The following FREM1 variants were observed in gnomAD, a reference collection of about 807,000 sequenced individuals.
FREM1 encodes FRAS1-related extracellular matrix protein 1.
A neutral mutation model predicts 210.1 loss-of-function variants in FREM1; 220 were observed. The ratio of observed to expected loss-of-function variants is 1.05; its 90% CI spans 0.94 to 1.17. The LOEUF is 1.17. Among genes scored for constraint, FREM1 ranks in the 50% most tolerant of loss-of-function variants. The probability of loss-of-function intolerance (pLI) is 0.00; values close to 1 mark genes in which losing one functional copy is unlikely to be tolerated. For missense variants in FREM1, 3,454 were observed against 2,675.5 expected (o/e 1.29, Z -6.42); for synonymous variants, 1,189 against 980.2 (o/e 1.21, Z -3.98).
At chr9:14,892,323 G>A (rs2132404456) in intron 1 of FREM1, among the ~76,000 whole-genome samples, 1 of 152,230 alleles carries the variant, frequency 6.6e-6, no homozygotes, top group South Asian at 2.1e-4. Flanking sequence ...GCTGACTTTG[G>A]GTAGGTGGGG....
intron 5 of FREM1, among the ~76,000 whole-genome samples, chr9:14,852,243 A>T (rs1475270103): frequency 6.6e-6 from 1 of 152,202 alleles, no homozygotes; most frequent in Admixed American, 6.5e-5. Flanking sequence ...TGGATCTTCA[A>T]GCAAGGGTTG....
intron 17 of FREM1, among the ~76,000 whole-genome samples, chr9:14,807,459 T>A (rs10119028): frequency 0.25 from 38,176 of 151,834 alleles, 5,287 homozygotes; most frequent in East Asian, 0.61. Context: ...ACAGAACATA[T>A]ACATAATGCC....
At chr9:14,908,857 A>G (rs1413845991) in intron 1 of FREM1, among the ~76,000 whole-genome samples, 1 of 152,152 alleles carries the variant, frequency 6.6e-6, no homozygotes, top group Non-Finnish European at 1.5e-5. Flanking sequence ...CACCAAGCAA[A>G]TGGGGGTTCT....
intron 24 of FREM1, among the ~76,000 whole-genome samples, chr9:14,777,127 T>C (rs1994919): frequency 0.28 from 42,453 of 152,072 alleles, 6,502 homozygotes; most frequent in Middle Eastern, 0.44. Context: ...CTGAGCACCA[T>C]TGCAAAACTA....
chr9:14,854,731 G>T (rs574173342), intron 5 of FREM1, among the ~76,000 whole-genome samples: 1 of 152,048 alleles, frequency 6.6e-6, no homozygotes, highest in East Asian at 1.9e-4. Flanking sequence ...CCAGATAAAA[G>T]AAAATTATTC....
At chr9:14,758,236 C>T (rs896671731) in intron 28 of FREM1, among the ~76,000 whole-genome samples, 1 of 152,174 alleles carries the variant, frequency 6.6e-6, no homozygotes, top group African/African-American at 2.4e-5. Context: ...AAGGCCTGCA[C>T]ACTCAGCTGG....
At position 14,788,941 on chromosome 9, in the gene FREM1, G is replaced by C. The variant is rs1450644019; in HGVS notation, c.4155C>G (p.Ile1385Met). The part of the protein sequence containing the change: ...NNRSPALDCQ[I>M]TIKDMEKGDI... ...TACCTTTTTCCATGTCCTTGATGGTGATTTGACAGTCAAGAGCAGGGGACC... is the reference window on the plus strand; with the variant it reads ...TACCTTTTTCCATGTCCTTGATGGTCATTTGACAGTCAAGAGCAGGGGACC... Residue 1385 changes from isoleucine to methionine, a missense_variant, in exon 23 of 37, where the codon ATC becomes ATG. Transcript: ENST00000380880. The C allele has an allele frequency of 6.2e-7, 1 of 1,612,654 alleles. No individual in the cohort carries two copies. Among genetic ancestry groups the C allele is most frequent in the Non-Finnish European group, 8.5e-7 (1 of 1,179,360 alleles).
intron 3 of FREM1, 46 bp downstream of exon 3, chr9:14,863,763 G>C (rs1428498432): frequency 6.0e-6 from 7 of 1,163,302 alleles, no homozygotes; most frequent in Non-Finnish European, 9.1e-6. Flanking sequence ...TAAGAACACA[G>C]AATGGTTACT....
intron 10 of FREM1, among the ~76,000 whole-genome samples, chr9:14,837,894 G>C (rs1260592833): frequency 2.0e-5 from 3 of 152,146 alleles, no homozygotes; most frequent in African/African-American, 7.2e-5. Context: ...TTAATTTATT[G>C]AGCACCTACT....
chr9:14,775,014 C>A (rs2132603670), intron 25 of FREM1, among the ~76,000 whole-genome samples: 1 of 152,282 alleles, frequency 6.6e-6, no homozygotes, highest in South Asian at 2.1e-4. Flanking sequence ...GCTATTATTA[C>A]CCTCATCATT....
intron 3 of FREM1, among the ~76,000 whole-genome samples, chr9:14,860,644 T>TATAC (rs1829754984): frequency 3.5e-5 from 5 of 141,560 alleles, no homozygotes; most frequent in Non-Finnish European, 6.0e-5. Flanking sequence ...TACACATGTA[T>TATAC]ACATATATAC....
At chr9:14,840,069 G>C (rs796244058) in intron 10 of FREM1, among the ~76,000 whole-genome samples, 47 of 152,218 alleles carry the variant, frequency 3.1e-4, no homozygotes, top group African/African-American at 1.1e-3. Context: ...CCATTTCTGA[G>C]CTCTCTGGAA....
rs182957646 is a variant in FREM1 at position 14,830,240 on chromosome 9, T to C, written c.1882-5248A>G. On this transcript the variant is annotated intron_variant, in intron 10 of 36. Coordinates refer to ENST00000380880, the MANE Select transcript of FREM1 (RefSeq NM_001379081.2). ...AGATACCAGCTGGTGGAGTATTATATTGTGAGCCTGAATATGAAGACCAAG... is the reference window on the plus strand; with the variant it reads ...AGATACCAGCTGGTGGAGTATTATACTGTGAGCCTGAATATGAAGACCAAG... Among the ~76,000 whole-genome samples, 249 of 152,338 alleles carry C rather than the reference T, an allele frequency of 1.6e-3. 1 individual carries two copies. Among genetic ancestry groups the C allele is most frequent in the African/African-American group, 5.5e-3 (230 of 41,586 alleles).
At chr9:14,903,610 T>C (rs1456635552) in intron 1 of FREM1, among the ~76,000 whole-genome samples, 1 of 152,170 alleles carries the variant, frequency 6.6e-6, no homozygotes, top group African/African-American at 2.4e-5. Context: ...AGAATCATAT[T>C]TTATTTAAAC....
At chr9:14,770,935 T>C (rs900819725) in intron 25 of FREM1, 129 bp from the exon 26 acceptor site, 13 of 654,810 alleles carry the variant, frequency 2.0e-5, no homozygotes, top group Non-Finnish European at 3.2e-5. Context: ...CACTAGTGGA[T>C]TCCTGCTAAA....
chr9:14,759,131 A>G (rs1359182115), intron 28 of FREM1, among the ~76,000 whole-genome samples: 1 of 152,252 alleles, frequency 6.6e-6, no homozygotes, highest in African/African-American at 2.4e-5. Context: ...AAAGTTGAAT[A>G]TAGCTCCCTA....
At chr9:14,895,942 T>G (rs200298898) in intron 1 of FREM1, among the ~76,000 whole-genome samples, 61 of 152,234 alleles carry the variant, frequency 4.0e-4, no homozygotes, top group East Asian at 1.4e-3. Context: ...CAGAGGCATT[T>G]GAACCAGAGT....
rs186145292 is a variant in FREM1, at chr9:14,739,191, C to T, written c.6340+958G>A. 2.4e-3 allele frequency among the ~76,000 whole-genome samples: 370 copies of T among 151,568 alleles called. 3 individuals are homozygous for T. Among genetic ancestry groups the T allele is most frequent in the African/African-American group, 8.6e-3 (356 of 41,346 alleles). ...CAATCACGGCTCACTGCAGCCTCAACTTCCTAGCCTCAAGCACTCCTTCCA... is the reference window on the plus strand; with the variant it reads ...CAATCACGGCTCACTGCAGCCTCAATTTCCTAGCCTCAAGCACTCCTTCCA... On this transcript the variant is annotated intron_variant, in intron 36 of 36. Transcript: ENST00000380880.
At chr9:14,746,504 T>G in intron 34 of FREM1, 36 bp from the exon 35 acceptor site, 1 of 1,518,186 alleles carries the variant, frequency 6.6e-7, no homozygotes. Flanking sequence ...ATCATAATGG[T>G]CTTTACAATC....
Sources: allele counts gnomAD v4.1 joint callset (sites outside exome capture counted in the v4.1 genomes callset), GRCh38; gene constraint gnomAD v4.1.1; transcripts MANE v1.5; gene names NCBI Gene and HGNC (gene_info 2026-07-23, HGNC 2026-07-21).